TMEM167A: variants seen among roughly 807,000 people sequenced by gnomAD.
The protein encoded by TMEM167A is transmembrane protein 167A.
TMEM167A carries 8 observed loss-of-function variants against 11.6 expected under a neutral mutation model. The observed-to-expected ratio is 0.69, with a 90% CI of 0.40 to 1.24. The LOEUF (loss-of-function observed/expected upper bound fraction) is 1.24, where lower values mean the gene tolerates loss of function less well. Ranked by LOEUF, TMEM167A falls within the 50% of genes most tolerant of loss-of-function variation. TMEM167A has a pLI of 0.01. For missense variants in TMEM167A, 62 were observed against 87.0 expected (o/e 0.71, Z 1.14); for synonymous variants, 22 against 28.0 (o/e 0.79, Z 0.67).
At chr5:83,074,631 C>T (rs1479350069) in intron 1 of TMEM167A, among the ~76,000 whole-genome samples, 1 of 152,198 alleles carries the variant, frequency 6.6e-6, no homozygotes, top group Non-Finnish European at 1.5e-5. Flanking sequence ...CTGTTTGGCT[C>T]AGTCTAAACC....
chr5:83,067,978 TTTAA>T (rs201766370), intron 1 of TMEM167A, among the ~76,000 whole-genome samples: 5 of 132,922 alleles, frequency 3.8e-5, no homozygotes, highest in African/African-American at 1.0e-4. Context: ...TATCTTGGGT[TTTAA>T]TTAAATTGGG....
chr5:83,075,055 C>A (rs951503204), intron 1 of TMEM167A, among the ~76,000 whole-genome samples: 16 of 152,188 alleles, frequency 1.1e-4, no homozygotes, highest in African/African-American at 3.6e-4. Flanking sequence ...CAGGCCCAGA[C>A]TCTTAATGGA....
chr5:83,072,500 G>C (rs1744576690), intron 1 of TMEM167A, among the ~76,000 whole-genome samples: 1 of 152,106 alleles, frequency 6.6e-6, no homozygotes, highest in Admixed American at 6.6e-5. Context: ...GGATTTAACT[G>C]GTCTGGGCAC....
intron 1 of TMEM167A, among the ~76,000 whole-genome samples, chr5:83,067,346 A>G (rs192688996): frequency 1.0e-3 from 152 of 152,336 alleles, no homozygotes; most frequent in Non-Finnish European, 1.9e-3. Flanking sequence ...TTAAAAAACT[A>G]TATACATTAT....
intron 1 of TMEM167A, among the ~76,000 whole-genome samples, chr5:83,075,994 A>C (rs1744647642): frequency 6.6e-6 from 1 of 152,190 alleles, no homozygotes; most frequent in Non-Finnish European, 1.5e-5. Context: ...ACCTATGTCT[A>C]ATTTATGTAC....
At chr5:83,071,941 G>T (rs1231911747) in intron 1 of TMEM167A, among the ~76,000 whole-genome samples, 1 of 152,094 alleles carries the variant, frequency 6.6e-6, no homozygotes, top group East Asian at 1.9e-4. Context: ...TGTAAAATGT[G>T]GGGGCTGGAT....
chr5:83,063,015 T>A (rs1403019484), intron 2 of TMEM167A, among the ~76,000 whole-genome samples: 1 of 151,948 alleles, frequency 6.6e-6, no homozygotes, highest in Admixed American at 6.6e-5. Flanking sequence ...CTATCAACCA[T>A]CAATGTATAG....
rs899684337 is a variant in TMEM167A, at chr5:83,056,106, T to C, written c.*978A>G. ...GTTCAAAGATACTTGTGCCACAGTA[T>C]ACAAATCAGCAGATTTGAAAACTAT... On this transcript the variant is annotated 3_prime_UTR_variant, in exon 4 of 4. Coordinates refer to ENST00000502346, the MANE Select transcript of TMEM167A (RefSeq NM_174909.5). The C allele has an allele frequency of 5.3e-5, 8 of 152,014 alleles. No individual in the cohort carries two copies. The highest frequency in any genetic ancestry group is 1.4e-4 in the African/African-American group (6 of 41,424). The allele number at this position is 152,014 out of a possible 1,614,324, so 9.4% of individuals were successfully genotyped here. A position where few individuals can be genotyped will look rare whatever the true frequency, so the allele number is the denominator to read the frequency against.
chr5:83,063,817 T>C (rs754470782), intron 2 of TMEM167A, among the ~76,000 whole-genome samples: 1 of 152,162 alleles, frequency 6.6e-6, no homozygotes, highest in Non-Finnish European at 1.5e-5. Context: ...ATCAGGTCTA[T>C]GAAACCAGGA....
chr5:83,066,799 C>T (rs1744487780), intron 1 of TMEM167A, among the ~76,000 whole-genome samples: 1 of 150,970 alleles, frequency 6.6e-6, no homozygotes, highest in Admixed American at 6.6e-5. Flanking sequence ...TGTCAGGGTG[C>T]TCTTCTCATT....
intron 1 of TMEM167A, among the ~76,000 whole-genome samples, chr5:83,073,293 C>T (rs1393793392): frequency 2.0e-5 from 3 of 152,122 alleles, no homozygotes; most frequent in Admixed American, 2.0e-4. Context: ...AGTAAGCCCT[C>T]ACTTAACGTC....
chr5:83,059,550 G>A (rs1486373314), intron 3 of TMEM167A, among the ~76,000 whole-genome samples: 5 of 151,866 alleles, frequency 3.3e-5, no homozygotes, highest in African/African-American at 7.3e-5. Flanking sequence ...TGAAGCATGC[G>A]GTTTGGTGTG....
intron 1 of TMEM167A, 123 bp downstream of exon 1, chr5:83,077,198 T>G (rs948503335): frequency 2.1e-6 from 3 of 1,429,764 alleles, no homozygotes; most frequent in African/African-American, 2.8e-5. Context: ...AGGGACCACA[T>G]GGCTCCAAGG....
chr5:83,071,205 A>C (rs1438471402), intron 1 of TMEM167A, among the ~76,000 whole-genome samples: 1 of 152,198 alleles, frequency 6.6e-6, no homozygotes, highest in African/African-American at 2.4e-5. Flanking sequence ...TTATTTATAC[A>C]TAACACTGTG....
intron 1 of TMEM167A, among the ~76,000 whole-genome samples, chr5:83,065,442 A>G (rs1744468011): frequency 6.6e-6 from 1 of 152,132 alleles, no homozygotes; most frequent in South Asian, 2.1e-4. Context: ...AATTTAAGCT[A>G]TAATTTTCCA....
chr5:83,061,963 A>G (rs762358675), intron 2 of TMEM167A, 52 bp from the exon 3 acceptor site: 56 of 1,430,010 alleles, frequency 3.9e-5, no homozygotes, highest in Non-Finnish European at 5.4e-5. Flanking sequence ...TCGGAAAGGT[A>G]AATTATTCTC....
chr5:83,073,271 C>T (rs1211769134), intron 1 of TMEM167A, among the ~76,000 whole-genome samples: 5 of 152,190 alleles, frequency 3.3e-5, no homozygotes, highest in African/African-American at 1.2e-4. Context: ...AGAGTAGGTG[C>T]TTAACGAAAA....
intron 3 of TMEM167A, among the ~76,000 whole-genome samples, chr5:83,061,007 C>T (rs896308447): frequency 6.6e-6 from 1 of 152,120 alleles, no homozygotes; most frequent in Non-Finnish European, 1.5e-5. Flanking sequence ...AATCTCTTAT[C>T]ATGGAAAGTT....
At chr5:83,057,588 G>A (rs1414538106) in intron 3 of TMEM167A, among the ~76,000 whole-genome samples, 2 of 152,020 alleles carry the variant, frequency 1.3e-5, no homozygotes, top group African/African-American at 4.8e-5. Context: ...GTAGCAATTT[G>A]TGACACTTAA....
Sources: gnomAD v4.1 joint callset for allele counts (sites outside exome capture counted in the v4.1 genomes callset) on GRCh38, gnomAD v4.1.1 for gene constraint, MANE v1.5 for transcripts, NCBI Gene and HGNC (gene_info 2026-07-23, HGNC 2026-07-21) for gene names.